Variants in MACO1 observed in about 807,000 individuals in gnomAD.
The protein encoded by MACO1 is macoilin 1, also known as macoilin.
A neutral mutation model predicts 78.7 loss-of-function variants in MACO1; 14 were observed. The observed-to-expected ratio is 0.18, with a 90% CI of 0.12 to 0.28. The LOEUF (loss-of-function observed/expected upper bound fraction) is 0.28. MACO1 is among the 10% of genes least tolerant of loss of function. The probability of loss-of-function intolerance (pLI) is 1.00; values close to 1 mark genes in which losing one functional copy is unlikely to be tolerated. For missense variants in MACO1, 501 were observed against 799.0 expected (o/e 0.63, Z 4.50); for synonymous variants, 288 against 291.6 (o/e 0.99, Z 0.12).
chr1:25,435,026 AG>A (rs2042907672), intron 1 of MACO1, among the ~76,000 whole-genome samples: 1 of 152,216 alleles, frequency 6.6e-6, no homozygotes, highest in South Asian at 2.1e-4. Context: ...AGATGTGGTA[AG>A]TAGAAGAAGG....
chr1:25,447,463 CATA>C (rs879540868), intron 2 of MACO1, among the ~76,000 whole-genome samples: 30 of 152,220 alleles, frequency 2.0e-4, no homozygotes, highest in Admixed American at 1.2e-3. Flanking sequence ...ACTTAAACAT[CATA>C]ATAAGCCCAT....
chr1:25,431,969 A>G (rs1466868832), intron 1 of MACO1, among the ~76,000 whole-genome samples: 1 of 151,554 alleles, frequency 6.6e-6, no homozygotes, highest in Non-Finnish European at 1.5e-5. Flanking sequence ...TAGAAATTGA[A>G]TTCAGTCCAC....
intron 5 of MACO1, 41 bp downstream of exon 5, chr1:25,456,872 C>A: frequency 2.0e-6 from 3 of 1,535,788 alleles, no homozygotes; most frequent in South Asian, 1.3e-5. Flanking sequence ...ATAGGCTAGT[C>A]ATTATTTTGT....
chr1:25,456,606 G>A (rs1328957722), intron 4 of MACO1, 47 bp from the exon 5 acceptor site: 1 of 1,581,968 alleles, frequency 6.3e-7, no homozygotes, highest in South Asian at 1.2e-5. Flanking sequence ...AGGCACATGT[G>A]GTTCATTTTA....
chr1:25,478,205 A>C (rs1334169523), intron 6 of MACO1, among the ~76,000 whole-genome samples: 1 of 152,206 alleles, frequency 6.6e-6, no homozygotes, highest in Non-Finnish European at 1.5e-5. Flanking sequence ...AGATCATGCC[A>C]CTGCACTCTA....
At chr1:25,456,335 G>A (rs2043120358) in intron 4 of MACO1, among the ~76,000 whole-genome samples, 1 of 152,008 alleles carries the variant, frequency 6.6e-6, no homozygotes, top group African/African-American at 2.4e-5. Context: ...TTCTTCAAAG[G>A]CATTATTAGC....
intron 4 of MACO1, 56 bp downstream of exon 4, chr1:25,454,438 ATG>A (rs71589767): frequency 0.029 from 7,522 of 258,320 alleles, 500 homozygotes; most frequent in African/African-American, 0.07. Context: ...ATGTATATAT[ATG>A]TGTGTGTGTG....
At chr1:25,454,489 T>TATATATTTATA (rs371533394) in intron 4 of MACO1, 107 bp downstream of exon 4, 1 of 89,462 alleles carries the variant, frequency 1.1e-5, no homozygotes, top group Non-Finnish European at 1.7e-5. Context: ...TATATATATA[T>TATATATTTATA]TTTTTTTTTT....
chr1:25,438,773 T>C (rs1175835173), intron 1 of MACO1, among the ~76,000 whole-genome samples: 1 of 152,080 alleles, frequency 6.6e-6, no homozygotes, highest in Non-Finnish European at 1.5e-5. Context: ...CGTGGTAGCA[T>C]GCGCCTGTAA....
In MACO1 at chr1:25,431,109, G is replaced by A. The variant is rs1259740820; in HGVS notation, c.11G>A (p.Arg4Gln). The change falls in exon 1 of 11, where the codon CGG (arginine) becomes CAG (glutamine). Residue 4 changes from arginine (R) to glutamine (Q), a missense_variant. By Grantham distance (43) the Arg-to-Gln change is conservative. Around this residue, in one of 5 missense-constraint regions of MACO1, gnomAD observed 171 missense variants for 292.1 expected, o/e 0.59. Transcript: ENST00000374343. MKRRNADCSKLRRP... is the reference protein window; with the variant it reads MKRQNADCSKLRRP... ...CCCCCCAGCGGGAGGATGAAGCGGC[G>A]GAACGCCGACTGCAGTAAGCTCCGC... The A allele has an allele frequency of 1.3e-6, 2 of 1,593,094 alleles. No homozygotes were observed.
intron 1 of MACO1, among the ~76,000 whole-genome samples, chr1:25,434,532 A>G (rs1200417851): frequency 1.3e-5 from 2 of 152,194 alleles, no homozygotes; most frequent in African/African-American, 2.4e-5. Context: ...TAGAGTTTCC[A>G]AAGAACTTTA....
At position 25,485,722 on chromosome 1, in the gene MACO1, A is replaced by G; in HGVS notation, c.1423A>G (p.Met475Val). ...EARSFVEKQLMEEKKRKKLEE... is the reference protein window; with the variant it reads ...EARSFVEKQLVEEKKRKKLEE... ...CCGAAGTTTTGTAGAGAAACAGTTAATGGAAGAGAAAAAGAGGAAGAAGTT... is the reference window on the plus strand; with the variant it reads ...CCGAAGTTTTGTAGAGAAACAGTTAGTGGAAGAGAAAAAGAGGAAGAAGTT... The change falls in exon 8 of 11, where the codon ATG (methionine) becomes GTG (valine). Residue 475 changes from methionine to valine, a missense_variant. Around this residue, in one of 5 missense-constraint regions of MACO1, gnomAD observed 163 missense variants for 271.9 expected, o/e 0.60. Coordinates refer to ENST00000374343, the MANE Select transcript of MACO1 (RefSeq NM_018202.6). This position sits in a 1 kb window ranked among gnomAD's most constrained non-coding sequence, Gnocchi z 4.3. The G allele has an allele frequency of 6.2e-7, 1 of 1,614,158 alleles. No homozygotes were observed. The highest frequency in any genetic ancestry group is 8.5e-7 in the Non-Finnish European group (1 of 1,180,010).
At chr1:25,464,338 C>CTTTTT (rs71014363) in intron 6 of MACO1, among the ~76,000 whole-genome samples, 91 of 80,972 alleles carry the variant, frequency 1.1e-3, no homozygotes, top group African/African-American at 2.2e-3. Context: ...TTTTTCTTCT[C>CTTTTT]TTTTTTTTTT....
intron 6 of MACO1, among the ~76,000 whole-genome samples, chr1:25,459,407 T>C (rs1234790588): frequency 6.6e-6 from 1 of 152,200 alleles, no homozygotes; most frequent in Non-Finnish European, 1.5e-5. Flanking sequence ...AAGCAATCTC[T>C]TTCACAAAAA....
At chr1:25,478,940 C>T (rs1222276517) in intron 6 of MACO1, among the ~76,000 whole-genome samples, 1 of 152,156 alleles carries the variant, frequency 6.6e-6, no homozygotes, top group Non-Finnish European at 1.5e-5. Flanking sequence ...CCAGATGTAT[C>T]TGGCCCATTA....
In MACO1 at chr1:25,484,183, C is replaced by T. The variant is rs1213364187; in HGVS notation, c.1222C>T (p.Arg408Cys). Residue 408 changes from arginine to cysteine, a missense_variant, in exon 7 of 11, where the codon CGC (arginine) becomes TGC (cysteine). Physicochemically the swap from Arg to Cys is radical, Grantham distance 180. Around this residue, in one of 5 missense-constraint regions of MACO1, gnomAD observed 163 missense variants for 271.9 expected, o/e 0.60. Transcript: ENST00000374343. Reference protein sequence around the residue: ...QASRQVEQELRSQISSLSSTE... With the variant: ...QASRQVEQELCSQISSLSSTE... The stretch of plus-strand genomic sequence containing the variant: ...CAGCAGACAAGTGGAACAAGAGCTC[C>T]GCAGTCAGATCAGCTCCCTTTCGAG... 3.7e-6 allele frequency: 6 copies of T among 1,614,022 alleles called. No homozygotes were observed. Among genetic ancestry groups the T allele is most frequent in the Admixed American group, 1.7e-5 (1 of 59,982 alleles).
chr1:25,431,928 TC>T (rs202150632), intron 1 of MACO1, among the ~76,000 whole-genome samples: 48 of 150,550 alleles, frequency 3.2e-4, no homozygotes, highest in African/African-American at 9.3e-4. Flanking sequence ...TTTTTTTTTT[TC>T]ATCCGCAAGA....
intron 6 of MACO1, among the ~76,000 whole-genome samples, chr1:25,464,965 C>T (rs1397100138): frequency 2.1e-5 from 3 of 145,382 alleles, no homozygotes; most frequent in East Asian, 4.1e-4. Flanking sequence ...TGAGCCACTG[C>T]GCCCAGGCAA....
intron 10 of MACO1, among the ~76,000 whole-genome samples, chr1:25,497,789 AAAAAAATTCCAGCTCAAGAG>A: frequency 6.6e-6 from 1 of 152,290 alleles, no homozygotes; most frequent in East Asian, 1.9e-4. Flanking sequence ...CTGTCCTCTC[AAAAAAATTCCAGCTCAAGAG>A]GTGGAGCCAG....
Sources: gnomAD v4.1 joint callset for allele counts (sites outside exome capture counted in the v4.1 genomes callset) on GRCh38, gnomAD v4.1.1 for gene constraint, gnomAD v4.1.1 regional missense constraint, Gnocchi (gnomAD v3.1) non-coding constraint, MANE v1.5 for transcripts, NCBI Gene and HGNC (gene_info 2026-07-23, HGNC 2026-07-21) for gene names.